The following WNT3 variants were observed in gnomAD, a reference collection of about 807,000 sequenced individuals.
WNT3 encodes proto-oncogene Wnt-3.
Under a neutral mutation model 34.2 loss-of-function variants are expected in WNT3, and 7 were observed. That is an observed-to-expected ratio of 0.20 (90% CI 0.12 to 0.38). The LOEUF (loss-of-function observed/expected upper bound fraction) is 0.38, where lower values mean the gene tolerates loss of function less well. Ranked by LOEUF, WNT3 falls within the 10% of genes least tolerant of loss-of-function variation. The pLI is 1.00. For missense variants in WNT3, 267 were observed against 499.8 expected (o/e 0.53, Z 4.44); for synonymous variants, 212 against 211.5 (o/e 1.00, Z -0.02).
chr17:46,776,631 C>T (rs1239013947), intron 1 of WNT3, among the ~76,000 whole-genome samples: 2 of 152,158 alleles, frequency 1.3e-5, no homozygotes, highest in Non-Finnish European at 2.9e-5. Flanking sequence ...CCAGCCCAGC[C>T]CTGCTGTGCC....
intron 1 of WNT3, among the ~76,000 whole-genome samples, chr17:46,774,642 A>G (rs2059400317): frequency 6.6e-6 from 1 of 152,220 alleles, no homozygotes; most frequent in Non-Finnish European, 1.5e-5. Context: ...ACACCAGGTG[A>G]CTGGTCAATT....
At chr17:46,784,720 T>C (rs2059487667) in intron 1 of WNT3, among the ~76,000 whole-genome samples, 1 of 151,510 alleles carries the variant, frequency 6.6e-6, no homozygotes, top group Non-Finnish European at 1.5e-5. Context: ...CCAACATACC[T>C]ACACAGAGGG....
At chr17:46,799,647 C>T (rs950812362) in intron 1 of WNT3, among the ~76,000 whole-genome samples, 1 of 152,056 alleles carries the variant, frequency 6.6e-6, no homozygotes. Context: ...AGAGTTTCAC[C>T]ATGTTGGCCA....
chr17:46,765,249 C>T (rs1186322279), intron 4 of WNT3, among the ~76,000 whole-genome samples: 1 of 152,224 alleles, frequency 6.6e-6, no homozygotes, highest in African/African-American at 2.4e-5. Context: ...TGAAGGGACA[C>T]ATCCAAGGTC....
In WNT3 at chr17:46,813,868, G is replaced by C. The variant is rs73987051; in HGVS notation, c.80+4650C>G. 7.9e-3 allele frequency among the ~76,000 whole-genome samples: 1,201 copies of C among 152,302 alleles called. 10 individuals carry two copies. The highest frequency in any genetic ancestry group is 0.027 in the African/African-American group (1,105 of 41,554). ...ATGAGAGATGCTTGCTAGGCTGAGT[G>C]CATTCTTTGGAGATTTCCACCCAGA... On this transcript the variant is annotated intron_variant, in intron 1 of 4. Transcript: ENST00000225512.
chr17:46,803,946 C>T (rs2084159677), intron 1 of WNT3, among the ~76,000 whole-genome samples: 1 of 152,224 alleles, frequency 6.6e-6, no homozygotes, highest in Non-Finnish European at 1.5e-5. Flanking sequence ...CCCAGCATGC[C>T]TTCTCCTTTC....
chr17:46,788,604 C>T (rs770150232), intron 1 of WNT3, among the ~76,000 whole-genome samples: 23 of 152,200 alleles, frequency 1.5e-4, no homozygotes, highest in Admixed American at 3.9e-4. Context: ...CTTATACATC[C>T]GTCACAGGTA....
chr17:46,811,471 G>A (rs1271166399), intron 1 of WNT3, among the ~76,000 whole-genome samples: 1 of 152,212 alleles, frequency 6.6e-6, no homozygotes, highest in Admixed American at 6.5e-5. Flanking sequence ...TAGCCACTGT[G>A]CTCACGAGGG....
chr17:46,788,249 C>T (rs2083931874), intron 1 of WNT3, among the ~76,000 whole-genome samples: 1 of 152,186 alleles, frequency 6.6e-6, no homozygotes, highest in Admixed American at 6.5e-5. Flanking sequence ...TTTCCTAAGC[C>T]ATGTTTGCAT....
At position 46,769,959 on chromosome 17, in the gene WNT3, T is replaced by G. The variant is rs1568073942; in HGVS notation, c.412A>C (p.Ile138Leu). 6.2e-7 allele frequency: 1 copy of G among 1,612,806 alleles called. No homozygotes were observed. Among genetic ancestry groups the G allele is most frequent in the African/African-American group, 1.3e-5 (1 of 75,006 alleles). Residue 138 changes from isoleucine (I) to leucine (L), a missense_variant, in exon 3 of 5, where the codon ATT becomes CTT. Around this residue, in one of 3 missense-constraint regions of WNT3, gnomAD observed 181 missense variants for 391.3 expected, o/e 0.46. Coordinates refer to ENST00000225512, the MANE Select transcript of WNT3 (RefSeq NM_030753.5). ...TRSCAEGTST[I>L]CGCDSHHKGP... Reference sequence around the variant, plus strand: ...TTATGATGCGAGTCACAGCCGCAAATGGTGGAGGTGCCCTCGGCGCAGGAG... The same window carrying G: ...TTATGATGCGAGTCACAGCCGCAAAGGGTGGAGGTGCCCTCGGCGCAGGAG...
At chr17:46,776,578 C>T (rs569630952) in intron 1 of WNT3, among the ~76,000 whole-genome samples, 4 of 152,190 alleles carry the variant, frequency 2.6e-5, no homozygotes, top group Non-Finnish European at 5.9e-5. Context: ...TTGAGCCTCC[C>T]TCTGGGCTCA....
intron 4 of WNT3, among the ~76,000 whole-genome samples, chr17:46,765,822 C>G (rs978615484): frequency 4.6e-5 from 7 of 152,234 alleles, no homozygotes; most frequent in African/African-American, 1.7e-4. Context: ...GTCCACAGGA[C>G]AACCCTACAC....
chr17:46,798,128 C>CA (rs1300483190), intron 1 of WNT3, among the ~76,000 whole-genome samples: 4 of 152,168 alleles, frequency 2.6e-5, no homozygotes, highest in Non-Finnish European at 5.9e-5. Context: ...GGGGCTTCAC[C>CA]ATGTTGGCCA....
intron 1 of WNT3, among the ~76,000 whole-genome samples, chr17:46,816,473 ACG>A (rs1364316213): frequency 2.6e-5 from 2 of 77,412 alleles, no homozygotes; most frequent in East Asian, 5.6e-4. Flanking sequence ...CCCAGAACAC[ACG>A]CACACACACA....
At chr17:46,795,550 C>T (rs969911780) in intron 1 of WNT3, among the ~76,000 whole-genome samples, 3 of 152,184 alleles carry the variant, frequency 2.0e-5, no homozygotes, top group African/African-American at 7.2e-5. Flanking sequence ...GAACATGTGG[C>T]TACCTCTAAC....
intron 2 of WNT3, among the ~76,000 whole-genome samples, chr17:46,772,535 T>G (rs1178302223): frequency 6.6e-6 from 1 of 152,242 alleles, no homozygotes; most frequent in Non-Finnish European, 1.5e-5. Context: ...GAGTTTGAAA[T>G]GCAAACCGCC....
In WNT3 at chr17:46,782,640, A is replaced by G. The variant is rs78405556; in HGVS notation, c.81-8731T>C. On this transcript the variant is annotated intron_variant, in intron 1 of 4. Coordinates refer to ENST00000225512, the MANE Select transcript of WNT3 (RefSeq NM_030753.5). Reference sequence around the variant, plus strand: ...TCAGGACAGGAAGCCTAGCCAGTTCAGGGGCATGTGTGCACACCGTGGGGC... The same window carrying G: ...TCAGGACAGGAAGCCTAGCCAGTTCGGGGGCATGTGTGCACACCGTGGGGC... Among the ~76,000 whole-genome samples the G allele has an allele frequency of 9.0e-4, 137 of 152,318 alleles. 1 individual carries two copies. Among genetic ancestry groups the G allele is most frequent in the African/African-American group, 3.1e-3 (127 of 41,578 alleles).
intron 2 of WNT3, 83 bp from the exon 3 acceptor site, chr17:46,770,131 G>C: frequency 6.9e-7 from 1 of 1,450,824 alleles, no homozygotes; most frequent in Non-Finnish European, 9.1e-7. Context: ...GCCAGGACGT[G>C]AGGGGAACGA....
At chr17:46,811,104 G>A (rs1478553713) in intron 1 of WNT3, among the ~76,000 whole-genome samples, 1 of 152,156 alleles carries the variant, frequency 6.6e-6, no homozygotes, top group South Asian at 2.1e-4. Context: ...CCTCCCGGCT[G>A]TACAGGCCAG....
Sources: allele counts gnomAD v4.1 joint callset (sites outside exome capture counted in the v4.1 genomes callset), GRCh38; gene constraint gnomAD v4.1.1; regional missense constraint gnomAD v4.1.1; transcripts MANE v1.5; gene names NCBI Gene and HGNC (gene_info 2026-07-23, HGNC 2026-07-21).